SPOCK1: variants seen among roughly 807,000 people sequenced by gnomAD.
The protein encoded by SPOCK1 is testican-1.
Under a neutral mutation model 55.3 loss-of-function variants are expected in SPOCK1, and 23 were observed. The observed-to-expected ratio is 0.42, with a 90% CI of 0.30 to 0.59. SPOCK1 has a LOEUF of 0.59. Ranked by LOEUF, SPOCK1 falls within the 20% of genes least tolerant of loss-of-function variation. The pLI, the probability that SPOCK1 is intolerant of heterozygous loss-of-function variation, is 0.22. For missense variants in SPOCK1, 499 were observed against 552.5 expected (o/e 0.90, Z 0.97); for synonymous variants, 226 against 221.0 (o/e 1.02, Z -0.20).
intron 3 of SPOCK1, among the ~76,000 whole-genome samples, chr5:137,241,665 C>T (rs949644951): frequency 2.0e-5 from 3 of 152,086 alleles, no homozygotes; most frequent in Non-Finnish European, 2.9e-5. Flanking sequence ...TCTGTCACCC[C>T]TTTTGCCCTT....
chr5:137,363,796 A>G (rs547723611), intron 2 of SPOCK1, among the ~76,000 whole-genome samples: 3 of 152,350 alleles, frequency 2.0e-5, no homozygotes, highest in African/African-American at 7.2e-5. Context: ...GAACCTCCCA[A>G]TTAAAGAAGT....
chr5:137,369,935 A>T (rs915407670), intron 2 of SPOCK1, among the ~76,000 whole-genome samples: 4 of 152,174 alleles, frequency 2.6e-5, no homozygotes, highest in African/African-American at 9.7e-5. Context: ...GAGCTTCAAC[A>T]AAGGAACTTC....
chr5:137,303,325 C>T (rs577766654), intron 2 of SPOCK1, among the ~76,000 whole-genome samples: 250 of 152,036 alleles, frequency 1.6e-3, no homozygotes, highest in Non-Finnish European at 2.9e-3. Flanking sequence ...TCCCACTGTT[C>T]AAGCACCTGC....
At chr5:137,121,760 T>G (rs1753688642) in intron 4 of SPOCK1, among the ~76,000 whole-genome samples, 1 of 146,804 alleles carries the variant, frequency 6.8e-6, no homozygotes, top group African/African-American at 2.5e-5. Context: ...TGTATGTATT[T>G]TATATACATA....
intron 8 of SPOCK1, among the ~76,000 whole-genome samples, chr5:136,986,953 G>C (rs1750853342): frequency 6.6e-6 from 1 of 151,986 alleles, no homozygotes; most frequent in Non-Finnish European, 1.5e-5. Context: ...TAATATCCAG[G>C]AAAATTCTAG....
At chr5:137,301,808 C>A (rs1281382103) in intron 2 of SPOCK1, among the ~76,000 whole-genome samples, 1 of 151,900 alleles carries the variant, frequency 6.6e-6, no homozygotes, top group Non-Finnish European at 1.5e-5. Context: ...GAAAAGCAAG[C>A]TGATTTCAGG....
chr5:137,487,333 CAAAAAA>C (rs11330611), intron 2 of SPOCK1, among the ~76,000 whole-genome samples: 6 of 53,322 alleles, frequency 1.1e-4, no homozygotes, highest in Admixed American at 2.0e-4. Flanking sequence ...TCTGATCTTT[CAAAAAA>C]AAAAAAAAAA....
intron 2 of SPOCK1, among the ~76,000 whole-genome samples, chr5:137,305,274 G>A (rs1339265034): frequency 1.3e-5 from 2 of 152,174 alleles, no homozygotes; most frequent in Non-Finnish European, 2.9e-5. Context: ...CCTGAAGGCA[G>A]TACTTCACCC....
At chr5:137,302,826 T>C (rs577876636) in intron 2 of SPOCK1, among the ~76,000 whole-genome samples, 1 of 152,310 alleles carries the variant, frequency 6.6e-6, no homozygotes, top group Non-Finnish European at 1.5e-5. Flanking sequence ...TGCTTCCCAC[T>C]GCTGTCTCAG....
chr5:137,178,081 C>T (rs1754891108), intron 3 of SPOCK1, among the ~76,000 whole-genome samples: 1 of 152,174 alleles, frequency 6.6e-6, no homozygotes, highest in South Asian at 2.1e-4. Flanking sequence ...GGCAATTTCA[C>T]CCCTAGCCCA....
intron 6 of SPOCK1, among the ~76,000 whole-genome samples, chr5:137,036,925 C>G (rs1313576112): frequency 6.6e-6 from 1 of 152,148 alleles, no homozygotes; most frequent in Non-Finnish European, 1.5e-5. Context: ...CACCCCCCAA[C>G]CAGAAGTCAT....
chr5:137,497,284 C>T (rs1232345039), intron 2 of SPOCK1, among the ~76,000 whole-genome samples: 6 of 152,178 alleles, frequency 3.9e-5, no homozygotes, highest in Non-Finnish European at 7.4e-5. Flanking sequence ...TTAAAAAATA[C>T]ATGCTGCTAA....
chr5:136,982,787 T>C (rs1005691780), intron 9 of SPOCK1, among the ~76,000 whole-genome samples: 4 of 152,208 alleles, frequency 2.6e-5, no homozygotes, highest in African/African-American at 9.6e-5. Flanking sequence ...ATCATTTGTT[T>C]GGTAGAATAA....
chr5:137,404,089 A>G (rs946650352), intron 2 of SPOCK1, among the ~76,000 whole-genome samples: 1 of 152,202 alleles, frequency 6.6e-6, no homozygotes, highest in African/African-American at 2.4e-5. Context: ...GTTGACAGGC[A>G]ATAACTCACT....
chr5:137,224,482 G>A (rs2127089646), intron 3 of SPOCK1, among the ~76,000 whole-genome samples: 1 of 152,298 alleles, frequency 6.6e-6, no homozygotes, highest in East Asian at 1.9e-4. Context: ...TGTTAGCTGG[G>A]AAAGGAAACG....
At chr5:137,475,634 G>T (rs1337820058) in intron 2 of SPOCK1, among the ~76,000 whole-genome samples, 2 of 151,892 alleles carry the variant, frequency 1.3e-5, no homozygotes, top group African/African-American at 4.8e-5. Context: ...CCAGGCTGGA[G>T]GGCTGTGGCA....
chr5:137,077,146 G>A (rs1290112532), intron 5 of SPOCK1, among the ~76,000 whole-genome samples: 2 of 152,164 alleles, frequency 1.3e-5, no homozygotes, highest in African/African-American at 4.8e-5. Context: ...GGATGGTCTC[G>A]ATCTCCTGAC....
At chr5:137,205,043 C>T (rs1349021159) in intron 3 of SPOCK1, among the ~76,000 whole-genome samples, 4 of 152,136 alleles carry the variant, frequency 2.6e-5, no homozygotes, top group Admixed American at 2.6e-4. Flanking sequence ...TGATTTATTC[C>T]CTATCACCGT....
At chr5:137,137,117 G>C (rs35829117) in intron 4 of SPOCK1, among the ~76,000 whole-genome samples, 34,975 of 152,148 alleles carry the variant, frequency 0.23, 4,415 homozygotes, top group Non-Finnish European at 0.28. Flanking sequence ...CGTGCTCACT[G>C]TCCTTCTGTC....
Sources: allele counts gnomAD v4.1 joint callset (sites outside exome capture counted in the v4.1 genomes callset), GRCh38; gene constraint gnomAD v4.1.1; transcripts MANE v1.5; gene names NCBI Gene and HGNC (gene_info 2026-07-23, HGNC 2026-07-21).